Variants in BRD4 observed in about 807,000 individuals in gnomAD.
The protein encoded by BRD4 is bromodomain containing 4.
A neutral mutation model predicts 142.1 loss-of-function variants in BRD4; 16 were observed. That is an observed-to-expected ratio of 0.11 (90% CI 0.08 to 0.17). The LOEUF is 0.17. Among genes scored for constraint, BRD4 ranks in the 10% least tolerant of loss-of-function variants. The pLI, the probability that BRD4 is intolerant of heterozygous loss-of-function variation, is 1.00. For synonymous variants in BRD4, 833 were observed against 707.5 expected (o/e 1.18, Z -2.82); for missense variants, 1,424 against 1,810.9 (o/e 0.79, Z 3.88).
intron 1 of BRD4, among the ~76,000 whole-genome samples, chr19:15,301,865 GAAAAAAAAAA>G (rs952860124): frequency 4.4e-4 from 18 of 40,476 alleles, no homozygotes; most frequent in African/African-American, 9.6e-4. Flanking sequence ...CCGTCTCAAA[GAAAAAAAAAA>G]AAAAAAAAAA....
intron 1 of BRD4, chr19:15,275,916 C>T (rs888661408): frequency 3.9e-5 from 6 of 152,246 alleles, no homozygotes; most frequent in African/African-American, 1.4e-4. Flanking sequence ...CTGCCTTGAA[C>T]CTGGGAGGCG....
chr19:15,315,615 G>A (rs1265197408), intron 1 of BRD4, among the ~76,000 whole-genome samples: 1 of 152,188 alleles, frequency 6.6e-6, no homozygotes, highest in Non-Finnish European at 1.5e-5. Flanking sequence ...AGCATGTTGG[G>A]AGGACCAGGC....
chr19:15,292,458 A>G (rs1210296243), intron 1 of BRD4, among the ~76,000 whole-genome samples: 1 of 152,170 alleles, frequency 6.6e-6, no homozygotes, highest in East Asian at 1.9e-4. Context: ...ATCGTGAGCA[A>G]ATGAGAAAAC....
rs200501260 is a variant in BRD4 at position 15,239,850 on chromosome 19, G to C, written c.3283-29C>G. On this transcript the variant is annotated intron_variant, in intron 15 of 19. Coordinates refer to ENST00000679869, the MANE Select transcript of BRD4 (RefSeq NM_001379291.1). This position sits in a 1 kb window ranked among gnomAD's most constrained non-coding sequence, Gnocchi z 7.4. ...GGATGGCACAGGCACAGCGGCCGGTGAGGTGGGCAGGCACCCCCGGCCCTA... is the reference window on the plus strand; with the variant it reads ...GGATGGCACAGGCACAGCGGCCGGTCAGGTGGGCAGGCACCCCCGGCCCTA... The C allele has an allele frequency of 6.2e-7, 1 of 1,613,930 alleles. No homozygotes were observed. Among genetic ancestry groups the C allele is most frequent in the African/African-American group, 1.3e-5 (1 of 75,054 alleles).
rs770028347 is a variant in BRD4, at chr19:15,265,464, G to T, written c.739C>A (p.Leu247Met). Reference sequence around the variant, plus strand: ...GGGGGCACTGGCGGGGGCGTCTGCAGTGGCTGGGGAGGCACCACTGTCATG... The same window carrying T: ...GGGGGCACTGGCGGGGGCGTCTGCATTGGCTGGGGAGGCACCACTGTCATG... ...PVMTVVPPQP[L>M]QTPPPVPPQP... The change falls in exon 5 of 20, where the codon CTG becomes ATG. Residue 247 changes from leucine to methionine, a missense_variant. This residue lies in a region of BRD4 where 140 missense variants were observed against 131.7 expected (regional missense o/e 1.06). Coordinates refer to ENST00000679869, the MANE Select transcript of BRD4 (RefSeq NM_001379291.1). The T allele has an allele frequency of 4.5e-5, 72 of 1,594,084 alleles. No individual in the cohort carries two copies. The highest frequency in any genetic ancestry group is 5.9e-5 in the Non-Finnish European group (69 of 1,168,462).
At chr19:15,279,575 C>T (rs976289130) in intron 1 of BRD4, among the ~76,000 whole-genome samples, 1 of 152,142 alleles carries the variant, frequency 6.6e-6, no homozygotes, top group African/African-American at 2.4e-5. Context: ...TGGCCCCAAG[C>T]AACCTGTTCC....
chr19:15,255,360 A>C lies in BRD4; in HGVS notation c.1984T>G (p.Ser662Ala). ...IEIDFETLKPSTLRELERYVT... is the reference protein window; with the variant it reads ...IEIDFETLKPATLRELERYVT... ...TAGCGCTCCAGCTCACGCAGTGTGG[A>C]CGGCTTCAGGGTCTCAAAGTCGATT... Residue 662 changes from serine to alanine, a missense_variant, in exon 10 of 20, where the codon TCC becomes GCC. By Grantham distance (99) the Ser-to-Ala change is moderately conservative (BLOSUM62 1). Around this residue, in one of 16 missense-constraint regions of BRD4, gnomAD observed 46 missense variants for 110.4 expected, o/e 0.42. Transcript: ENST00000679869. 6.2e-7 allele frequency: 1 copy of C among 1,613,944 alleles called. No individual in the cohort carries two copies. Among genetic ancestry groups the C allele is most frequent in the Non-Finnish European group, 8.5e-7 (1 of 1,179,980 alleles).
intron 1 of BRD4, among the ~76,000 whole-genome samples, chr19:15,290,084 T>C (rs2047770695): frequency 6.6e-6 from 1 of 152,164 alleles, no homozygotes; most frequent in South Asian, 2.1e-4. Flanking sequence ...GGTCACACGC[T>C]AGGCATATGA....
At chr19:15,294,697 T>C (rs981030707) in intron 1 of BRD4, among the ~76,000 whole-genome samples, 4 of 152,180 alleles carry the variant, frequency 2.6e-5, no homozygotes, top group Admixed American at 2.6e-4. Flanking sequence ...GGGAAGAATG[T>C]TGTAAATGAT....
intron 1 of BRD4, among the ~76,000 whole-genome samples, chr19:15,298,414 G>A (rs1325847321): frequency 6.6e-6 from 1 of 151,782 alleles, no homozygotes; most frequent in Admixed American, 6.6e-5. Flanking sequence ...GAGGCGGGCA[G>A]ATCACGAGCT....
rs1458462781 is a variant in BRD4, at chr19:15,268,914, G to A, written c.414C>T (p.Ile138=). The A allele has an allele frequency of 2.5e-6, 4 of 1,614,170 alleles. No individual in the cohort carries two copies. In the Admixed American group the frequency reaches 5.0e-5, roughly 20 times the overall value. ...CACCCCTACATCTCACCTTGTTGTA[G>A]ATGTAACAATTTGTAAACATAGTGT... ...DFNTMFTNCY[I]YNKPGDDIVL... The change falls in exon 3 of 20, where the codon ATC becomes ATT. Residue 138 remains isoleucine, a synonymous_variant. Coordinates refer to ENST00000679869, the MANE Select transcript of BRD4 (RefSeq NM_001379291.1).
At chr19:15,303,583 TACA>T (rs967385774) in intron 1 of BRD4, among the ~76,000 whole-genome samples, 3 of 152,146 alleles carry the variant, frequency 2.0e-5, no homozygotes, top group Non-Finnish European at 1.5e-5. Context: ...TAAAATGCAA[TACA>T]ACAATACAAT....
intron 1 of BRD4, among the ~76,000 whole-genome samples, chr19:15,291,841 G>A (rs1033006949): frequency 6.6e-6 from 1 of 152,156 alleles, no homozygotes; most frequent in Admixed American, 6.5e-5. Flanking sequence ...TCAGTGGTTT[G>A]CATGCTGTAC....
chr19:15,244,160 G>A (rs888266300), intron 13 of BRD4, 71 bp downstream of exon 13: 30 of 1,534,202 alleles, frequency 2.0e-5, no homozygotes, highest in Non-Finnish European at 2.4e-5. Context: ...CAGCCAGAGT[G>A]CTCGGACACC....
chr19:15,305,175 C>G (rs927241190), intron 1 of BRD4, among the ~76,000 whole-genome samples: 2 of 151,928 alleles, frequency 1.3e-5, no homozygotes, highest in African/African-American at 2.4e-5. Context: ...CCTCAGCCTC[C>G]CAAGTAGCCA....
intron 1 of BRD4, among the ~76,000 whole-genome samples, chr19:15,284,855 T>C (rs1341541119): frequency 6.6e-6 from 1 of 152,230 alleles, no homozygotes; most frequent in East Asian, 1.9e-4. Context: ...AATCACTTTG[T>C]GAGAACCATG....
At chr19:15,262,146 A>G (rs1038592109) in intron 7 of BRD4, among the ~76,000 whole-genome samples, 12 of 152,126 alleles carry the variant, frequency 7.9e-5, no homozygotes, top group African/African-American at 2.4e-4. Context: ...CTAGGACAAC[A>G]TGAGAACTAG....
At chr19:15,271,616 C>G (rs1427869032) in intron 2 of BRD4, among the ~76,000 whole-genome samples, 2 of 152,176 alleles carry the variant, frequency 1.3e-5, no homozygotes, top group Non-Finnish European at 2.9e-5. Context: ...TGGACCCTGT[C>G]CAGCCCAGCT....
At chr19:15,298,387 C>T (rs2047840524) in intron 1 of BRD4, among the ~76,000 whole-genome samples, 1 of 152,028 alleles carries the variant, frequency 6.6e-6, no homozygotes, top group African/African-American at 2.4e-5. Flanking sequence ...CCTGTAATCC[C>T]AGCACTTTGG....
Sources: gnomAD v4.1 joint callset for allele counts (sites outside exome capture counted in the v4.1 genomes callset) on GRCh38, gnomAD v4.1.1 for gene constraint, gnomAD v4.1.1 regional missense constraint, Gnocchi (gnomAD v3.1) non-coding constraint, MANE v1.5 for transcripts, NCBI Gene and HGNC (gene_info 2026-07-23, HGNC 2026-07-21) for gene names.